CA10: variants seen among roughly 807,000 people sequenced by gnomAD.
CA10 encodes the protein carbonic anhydrase 10 (inactive), also known as carbonic anhydrase-related protein 10.
In CA10, 14 loss-of-function variants were observed where a neutral mutation model predicts 44.2. That is an observed-to-expected ratio of 0.32 (90% confidence interval 0.21 to 0.50). CA10 has a LOEUF of 0.50. Among genes scored for constraint, CA10 ranks in the 20% least tolerant of loss-of-function variants. The pLI is 0.99. For missense variants in CA10, 350 were observed against 409.7 expected (o/e 0.85, Z 1.26); for synonymous variants, 159 against 141.6 (o/e 1.12, Z -0.87).
At chr17:52,130,377 C>G (rs1427443867) in intron 1 of CA10, among the ~76,000 whole-genome samples, 2 of 152,154 alleles carry the variant, frequency 1.3e-5, no homozygotes, top group East Asian at 3.9e-4. Flanking sequence ...GCACTGTTCA[C>G]AGTAGCTAAA....
At chr17:51,695,524 C>T (rs1915372648) in intron 4 of CA10, among the ~76,000 whole-genome samples, 1 of 152,104 alleles carries the variant, frequency 6.6e-6, no homozygotes, top group Non-Finnish European at 1.5e-5. Flanking sequence ...GATTTTGTAT[C>T]CTGAAACCTC....
At chr17:51,732,027 T>A (rs758410883) in intron 4 of CA10, among the ~76,000 whole-genome samples, 3 of 121,024 alleles carry the variant, frequency 2.5e-5, no homozygotes, top group African/African-American at 5.1e-5. Flanking sequence ...TTGACATCAT[T>A]ATTATTATTA....
At chr17:51,700,111 A>C (rs989118417) in intron 4 of CA10, among the ~76,000 whole-genome samples, 1 of 152,192 alleles carries the variant, frequency 6.6e-6, no homozygotes, top group African/African-American at 2.4e-5. Flanking sequence ...TGCAGAGAGA[A>C]CTAGACTGGG....
chr17:52,136,558 T>G (rs1989362926), intron 1 of CA10, among the ~76,000 whole-genome samples: 1 of 151,762 alleles, frequency 6.6e-6, no homozygotes, highest in African/African-American at 2.4e-5. Flanking sequence ...AAGCTGGGAG[T>G]GAGGGGTGGT....
intron 1 of CA10, among the ~76,000 whole-genome samples, chr17:52,136,606 T>G (rs1432795022): frequency 6.6e-6 from 1 of 152,200 alleles, no homozygotes; most frequent in Non-Finnish European, 1.5e-5. Flanking sequence ...CAGCTTCAGC[T>G]TTTTTGTGTG....
At chr17:51,731,752 G>C (rs1288982444) in intron 4 of CA10, among the ~76,000 whole-genome samples, 2 of 150,650 alleles carry the variant, frequency 1.3e-5, no homozygotes, top group Admixed American at 6.6e-5. Flanking sequence ...ATCTTGGCTT[G>C]TTACAACCTC....
At chr17:51,749,647 C>T (rs2143610993) in intron 3 of CA10, among the ~76,000 whole-genome samples, 1 of 152,318 alleles carries the variant, frequency 6.6e-6, no homozygotes, top group South Asian at 2.1e-4. Context: ...CTAAGTCAGT[C>T]ATCTTCTTTC....
intron 2 of CA10, among the ~76,000 whole-genome samples, chr17:51,947,744 T>G (rs1190524943): frequency 6.6e-6 from 1 of 152,086 alleles, no homozygotes; most frequent in Non-Finnish European, 1.5e-5. Context: ...TAGCACACCT[T>G]GACAATCCTG....
chr17:51,758,570 T>C (rs889066703), intron 3 of CA10, among the ~76,000 whole-genome samples: 1 of 152,200 alleles, frequency 6.6e-6, no homozygotes, highest in African/African-American at 2.4e-5. Flanking sequence ...TATTTCAGGC[T>C]GCCCAGCCTC....
At chr17:51,837,677 A>G (rs1446678379) in intron 3 of CA10, among the ~76,000 whole-genome samples, 1 of 152,218 alleles carries the variant, frequency 6.6e-6, no homozygotes, top group African/African-American at 2.4e-5. Flanking sequence ...GCATGATCAA[A>G]TGTGAAAATG....
At chr17:51,737,330 A>T (rs562681356) in intron 4 of CA10, among the ~76,000 whole-genome samples, 1 of 152,258 alleles carries the variant, frequency 6.6e-6, no homozygotes, top group Admixed American at 6.5e-5. Context: ...CATGCTCAAT[A>T]AATTACAGCT....
intron 2 of CA10, among the ~76,000 whole-genome samples, chr17:51,974,198 A>G (rs1427607524): frequency 6.6e-6 from 1 of 152,084 alleles, no homozygotes; most frequent in Non-Finnish European, 1.5e-5. Flanking sequence ...ATCCTGGCCA[A>G]CATGGTGAAA....
At chr17:51,888,442 T>C (rs1250500931) in intron 3 of CA10, among the ~76,000 whole-genome samples, 1 of 152,210 alleles carries the variant, frequency 6.6e-6, no homozygotes, top group Non-Finnish European at 1.5e-5. Flanking sequence ...AAGGATTACT[T>C]TCTATAGCTG....
At chr17:52,026,448 G>A (rs1440984268) in intron 2 of CA10, among the ~76,000 whole-genome samples, 1 of 152,052 alleles carries the variant, frequency 6.6e-6, no homozygotes, top group East Asian at 1.9e-4. Context: ...CAAAGACAGA[G>A]GCAGATGATG....
intron 2 of CA10, among the ~76,000 whole-genome samples, chr17:52,045,809 T>C (rs1228113779): frequency 2.0e-5 from 3 of 152,010 alleles, no homozygotes; most frequent in Non-Finnish European, 4.4e-5. Context: ...TATGCATTCA[T>C]TTCAAGTGCA....
intron 3 of CA10, among the ~76,000 whole-genome samples, chr17:51,904,509 A>G (rs1348490698): frequency 1.3e-5 from 2 of 152,138 alleles, no homozygotes; most frequent in African/African-American, 2.4e-5. Context: ...ATCCATGAAG[A>G]AGGCCCAGAG....
intron 2 of CA10, among the ~76,000 whole-genome samples, chr17:51,988,224 A>C (rs1278119756): frequency 6.6e-6 from 1 of 152,064 alleles, no homozygotes; most frequent in Non-Finnish European, 1.5e-5. Flanking sequence ...AAAAAGAAGA[A>C]GTCTGGTTAA....
chr17:51,841,210 T>C (rs1281252567), intron 3 of CA10, among the ~76,000 whole-genome samples: 1 of 152,200 alleles, frequency 6.6e-6, no homozygotes, highest in African/African-American at 2.4e-5. Flanking sequence ...CCCTTAAGCC[T>C]TCATTCATAG....
intron 3 of CA10, among the ~76,000 whole-genome samples, chr17:51,801,681 T>C (rs1482868694): frequency 6.6e-6 from 1 of 152,204 alleles, no homozygotes; most frequent in Non-Finnish European, 1.5e-5. Flanking sequence ...TCTCTTCCGC[T>C]GGCATTTTGT....
Sources: allele counts gnomAD v4.1 joint callset (sites outside exome capture counted in the v4.1 genomes callset), GRCh38; gene constraint gnomAD v4.1.1; transcripts MANE v1.5; gene names NCBI Gene and HGNC (gene_info 2026-07-23, HGNC 2026-07-21).